RAP1A: variants seen among roughly 807,000 people sequenced by gnomAD.
RAP1A encodes the protein RAP1A, member of RAS oncogene family, also known as ras-related protein Rap-1A.
RAP1A carries 6 observed loss-of-function variants against 26.4 expected under a neutral mutation model. The observed-to-expected ratio is 0.23, with a 90% CI of 0.12 to 0.45. RAP1A has a LOEUF of 0.45. RAP1A is among the 20% of genes least tolerant of loss of function. The pLI, the probability that RAP1A is intolerant of heterozygous loss-of-function variation, is 0.99. For synonymous variants in RAP1A, 73 were observed against 79.4 expected, an observed-to-expected ratio of 0.92 and a Z score of 0.43; for missense variants, 121 against 217.2, an observed-to-expected ratio of 0.56 and a Z score of 2.78.
intron 1 of RAP1A, chr1:111,649,340 G>T: frequency 5.0e-6 from 2 of 400,192 alleles, no homozygotes; most frequent in East Asian, 6.1e-5. Context: ...TCCTCATTCT[G>T]GATGCCTCCC....
At chr1:111,648,781 C>A (rs921840460) in intron 1 of RAP1A, 4 of 636,290 alleles carry the variant, frequency 6.3e-6, no homozygotes, top group African/African-American at 5.4e-5. Context: ...CAGTACTTGT[C>A]TAGCTCCTGT....
intron 7 of RAP1A, among the ~76,000 whole-genome samples, 183 bp downstream of exon 7, chr1:111,709,447 A>G (rs1662306849): frequency 6.6e-6 from 1 of 152,172 alleles, no homozygotes; most frequent in Non-Finnish European, 1.5e-5. Context: ...TGAGATTCTA[A>G]GCTCTCTGAC....
intron 1 of RAP1A, among the ~76,000 whole-genome samples, chr1:111,662,525 A>G (rs1660673574): frequency 6.6e-6 from 1 of 152,144 alleles, no homozygotes; most frequent in Non-Finnish European, 1.5e-5. Context: ...GGGAACAAAA[A>G]ATTTGTGTAG....
chr1:111,696,996 C>T (rs1352128795), intron 3 of RAP1A, among the ~76,000 whole-genome samples: 4 of 152,140 alleles, frequency 2.6e-5, no homozygotes, highest in Non-Finnish European at 5.9e-5. Context: ...ACAACTTGAA[C>T]ATGGTAAGTT....
At chr1:111,595,234 A>G (rs780766841) in intron 1 of RAP1A, among the ~76,000 whole-genome samples, 1 of 152,022 alleles carries the variant, frequency 6.6e-6, no homozygotes, top group East Asian at 1.9e-4. Context: ...CTACTTAGCC[A>G]TGTAGCAAAT....
At chr1:111,679,233 T>C (rs1261646744) in intron 1 of RAP1A, among the ~76,000 whole-genome samples, 4 of 152,002 alleles carry the variant, frequency 2.6e-5, no homozygotes, top group African/African-American at 4.8e-5. Flanking sequence ...GTGTAGCTCA[T>C]GGAGGGCTAG....
upstream of RAP1A, among the ~76,000 whole-genome samples, chr1:111,618,867 T>G (rs4839155): frequency 0.18 from 27,582 of 152,264 alleles, 2,892 homozygotes; most frequent in Non-Finnish European, 0.22. Context: ...ATCCTGTCCG[T>G]GGCTGCCAGG....
At chr1:111,555,159 A>G (rs1033584833) in intron 1 of RAP1A, among the ~76,000 whole-genome samples, 1 of 152,036 alleles carries the variant, frequency 6.6e-6, no homozygotes, top group Non-Finnish European at 1.5e-5. Flanking sequence ...TGAGGCCAGG[A>G]GTTCGAGACT....
intron 1 of RAP1A, among the ~76,000 whole-genome samples, chr1:111,594,502 TGGAA>T (rs10636653): frequency 1.8e-5 from 2 of 114,112 alleles, no homozygotes; most frequent in Non-Finnish European, 3.7e-5. Context: ...GAAGGACAGA[TGGAA>T]GGAAGGAAGG....
intron 1 of RAP1A, among the ~76,000 whole-genome samples, chr1:111,673,973 T>A (rs1457397139): frequency 2.6e-5 from 4 of 152,186 alleles, no homozygotes; most frequent in Non-Finnish European, 5.9e-5. Flanking sequence ...TGTCTTGCCA[T>A]TTTAGTTGAG....
At chr1:111,672,450 C>A (rs1171461784) in intron 1 of RAP1A, among the ~76,000 whole-genome samples, 2 of 152,088 alleles carry the variant, frequency 1.3e-5, no homozygotes, top group Non-Finnish European at 2.9e-5. Context: ...TGAATCGAGT[C>A]TAAATCTCTG....
chr1:111,709,656 G>T (rs771520837), intron 7 of RAP1A, among the ~76,000 whole-genome samples: 1 of 152,118 alleles, frequency 6.6e-6, no homozygotes, highest in Non-Finnish European at 1.5e-5. Flanking sequence ...TGACATACCC[G>T]TATATAACAA....
At chr1:111,609,092 A>C (rs1217559196) in intron 1 of RAP1A, among the ~76,000 whole-genome samples, 2 of 152,194 alleles carry the variant, frequency 1.3e-5, no homozygotes, top group Non-Finnish European at 2.9e-5. Flanking sequence ...TAATCTGTCT[A>C]TTTAGGCAAT....
chr1:111,671,178 G>T (rs939978765), intron 1 of RAP1A, among the ~76,000 whole-genome samples: 1 of 152,174 alleles, frequency 6.6e-6, no homozygotes, highest in Non-Finnish European at 1.5e-5. Flanking sequence ...GAGTACAGTG[G>T]TACAGTCACA....
upstream of RAP1A, among the ~76,000 whole-genome samples, chr1:111,618,412 T>C (rs1017622996): frequency 6.6e-6 from 1 of 152,228 alleles, no homozygotes; most frequent in African/African-American, 2.4e-5. Context: ...CTTCTCTTGG[T>C]GTTTCTCCTG....
At chr1:111,660,717 A>G (rs1483102756) in intron 1 of RAP1A, among the ~76,000 whole-genome samples, 2 of 152,228 alleles carry the variant, frequency 1.3e-5, no homozygotes, top group East Asian at 1.9e-4. Context: ...CTTCCCACGC[A>G]TACCAAGTAA....
At chr1:111,621,397 ATTG>A (rs1490755893) in intron 1 of RAP1A, among the ~76,000 whole-genome samples, 1 of 151,870 alleles carries the variant, frequency 6.6e-6, no homozygotes, top group Non-Finnish European at 1.5e-5. Context: ...TTCCTATAAC[ATTG>A]TTGTTTTGAA....
chr1:111,580,772 G>A (rs6700893), intron 1 of RAP1A, among the ~76,000 whole-genome samples: 84,415 of 151,614 alleles, frequency 0.56, 24,225 homozygotes, highest in East Asian at 0.72. Context: ...GCTTGAACCC[G>A]GGAGGCAGAG....
intron 4 of RAP1A, among the ~76,000 whole-genome samples, chr1:111,698,268 T>C (rs972794135): frequency 4.6e-5 from 7 of 152,230 alleles, no homozygotes; most frequent in Admixed American, 3.9e-4. Flanking sequence ...TTAAAATGGA[T>C]GGGTTCGTTT....
Sources: allele counts gnomAD v4.1 joint callset (sites outside exome capture counted in the v4.1 genomes callset), GRCh38; gene constraint gnomAD v4.1.1; transcripts MANE v1.5; gene names NCBI Gene and HGNC (gene_info 2026-07-23, HGNC 2026-07-21).